The following TBC1D19 variants were observed in gnomAD, a reference collection of about 807,000 sequenced individuals.
TBC1D19 encodes the protein TBC1 domain family, member 19.
TBC1D19 carries 60 observed loss-of-function variants against 89.0 expected under a neutral mutation model. The ratio of observed to expected loss-of-function variants is 0.67; its 90% CI spans 0.55 to 0.84. The LOEUF is 0.84. Among genes scored for constraint, TBC1D19 ranks in the 40% least tolerant of loss-of-function variants. The pLI is 0.00. For missense variants in TBC1D19, 500 were observed against 610.8 expected, an observed-to-expected ratio of 0.82 and a Z score of 1.91; for synonymous variants, 189 against 199.7, an observed-to-expected ratio of 0.95 and a Z score of 0.45.
At chr4:26,750,150 A>G (rs535741253) in intron 19 of TBC1D19, among the ~76,000 whole-genome samples, 146 of 152,306 alleles carry the variant, frequency 9.6e-4, no homozygotes, top group Non-Finnish European at 1.6e-3. Flanking sequence ...CAAAGTAATT[A>G]TCATGTTTTC....
intron 13 of TBC1D19, among the ~76,000 whole-genome samples, chr4:26,693,277 A>G (rs1714460665): frequency 6.6e-6 from 1 of 152,240 alleles, no homozygotes; most frequent in African/African-American, 2.4e-5. Flanking sequence ...TAAACAAATA[A>G]GCAAATAACA....
the TBC1D19 span, among the ~76,000 whole-genome samples, chr4:26,767,187 A>C: frequency 6.6e-6 from 1 of 152,304 alleles, no homozygotes; most frequent in Non-Finnish European, 1.5e-5. Context: ...TGATTAATAA[A>C]AAATAAATAA....
downstream of TBC1D19, among the ~76,000 whole-genome samples, chr4:26,758,735 ATT>A (rs536414490): frequency 6.6e-6 from 1 of 151,892 alleles, no homozygotes; most frequent in African/African-American, 2.4e-5. Context: ...CCTCTGGACT[ATT>A]TTTTTTACAA....
chr4:26,824,025 T>C, the TBC1D19 span, among the ~76,000 whole-genome samples: 2 of 152,200 alleles, frequency 1.3e-5, no homozygotes, highest in African/African-American at 2.4e-5. Flanking sequence ...GGCTATTTGA[T>C]TGGATCAGGG....
chr4:26,582,367 T>A (rs1426893195), upstream of TBC1D19, among the ~76,000 whole-genome samples: 2 of 152,064 alleles, frequency 1.3e-5, no homozygotes, highest in Non-Finnish European at 2.9e-5. Context: ...GAAGCCAGAA[T>A]GTTTTCTGAC....
At chr4:26,842,343 T>TTC in the TBC1D19 span, among the ~76,000 whole-genome samples, 4 of 79,470 alleles carry the variant, frequency 5.0e-5, no homozygotes, top group South Asian at 3.9e-4. Flanking sequence ...TTCTTTTCTT[T>TTC]TTTTTTTTTT....
intron 7 of TBC1D19, among the ~76,000 whole-genome samples, chr4:26,652,634 A>AT (rs1460388939): frequency 6.6e-6 from 1 of 151,728 alleles, no homozygotes; most frequent in Non-Finnish European, 1.5e-5. Flanking sequence ...TTTCTTCTAG[A>AT]TTTTTCTAGT....
chr4:26,758,149 T>C (rs186080414), downstream of TBC1D19, among the ~76,000 whole-genome samples: 1 of 152,320 alleles, frequency 6.6e-6, no homozygotes, highest in East Asian at 1.9e-4. Flanking sequence ...CCCTTCTCCT[T>C]GTTCTTATAA....
chr4:26,848,616 A>C, the TBC1D19 span, among the ~76,000 whole-genome samples: 1 of 152,222 alleles, frequency 6.6e-6, no homozygotes, highest in African/African-American at 2.4e-5. Flanking sequence ...ATTTTACAGC[A>C]AAGTTAGCTT....
chr4:26,840,720 G>C, the TBC1D19 span, among the ~76,000 whole-genome samples: 4 of 152,164 alleles, frequency 2.6e-5, no homozygotes, highest in African/African-American at 9.7e-5. Flanking sequence ...AGGGCTCCAT[G>C]CTCATGGGTT....
At chr4:26,642,766 G>A (rs11946515) in intron 7 of TBC1D19, among the ~76,000 whole-genome samples, 55,314 of 151,936 alleles carry the variant, frequency 0.36, 11,380 homozygotes, top group Non-Finnish European at 0.47. Flanking sequence ...CACAAAAAGA[G>A]CAGGAGTTAC....
rs1719238578 is a variant in TBC1D19 at position 26,755,855 on chromosome 4, T to A, written c.*908T>A. Reference sequence around the variant, plus strand: ...CATTCATTCTAAACTGCAGACATTATGCAAGGCATCAGCCTTATTTTGGGC... The same window carrying A: ...CATTCATTCTAAACTGCAGACATTAAGCAAGGCATCAGCCTTATTTTGGGC... On this transcript the variant is annotated 3_prime_UTR_variant, in exon 21 of 21. Transcript: ENST00000264866. 6.6e-6 allele frequency among the ~76,000 whole-genome samples: 1 copy of A among 152,204 alleles called. No homozygotes were observed. Among genetic ancestry groups the A allele is most frequent in the African/African-American group, 2.4e-5 (1 of 41,466 alleles).
the TBC1D19 span, among the ~76,000 whole-genome samples, chr4:26,807,381 T>A: frequency 6.7e-3 from 1,025 of 152,338 alleles, 6 homozygotes; most frequent in African/African-American, 0.023. Flanking sequence ...GGTTGGATAG[T>A]TCTGAGTGTC....
At chr4:26,718,342 C>CTT (rs56881657) in intron 14 of TBC1D19, among the ~76,000 whole-genome samples, 16 of 151,718 alleles carry the variant, frequency 1.1e-4, no homozygotes, top group Middle Eastern at 3.4e-3. Flanking sequence ...GCTTTTTCTA[C>CTT]TTTTTTTAAC....
intron 13 of TBC1D19, among the ~76,000 whole-genome samples, chr4:26,701,578 G>A (rs180713869): frequency 1.7e-3 from 258 of 152,194 alleles, no homozygotes; most frequent in African/African-American, 6.0e-3. Flanking sequence ...TGAGAAGGAA[G>A]CTTTCTTCTT....
chr4:26,699,346 TAA>T (rs1285391865), intron 13 of TBC1D19, among the ~76,000 whole-genome samples: 1 of 152,138 alleles, frequency 6.6e-6, no homozygotes, highest in Non-Finnish European at 1.5e-5. Flanking sequence ...TGATGATCAT[TAA>T]AAAGTCAGGA....
the TBC1D19 span, among the ~76,000 whole-genome samples, chr4:26,799,201 T>A: frequency 8.6e-3 from 1,300 of 152,004 alleles, 21 homozygotes; most frequent in African/African-American, 0.03. Context: ...TAAAATTAAC[T>A]GGGTGTGGTA....
the TBC1D19 span, among the ~76,000 whole-genome samples, chr4:26,776,374 C>A: frequency 6.6e-6 from 1 of 152,094 alleles, no homozygotes; most frequent in South Asian, 2.1e-4. Context: ...CTTTATCCAA[C>A]AATTCACATA....
chr4:26,637,448 C>T lies in TBC1D19; in HGVS notation c.369+163C>T, dbSNP rs571825522. Among the ~76,000 whole-genome samples the T allele has an allele frequency of 1.5e-3, 236 of 152,260 alleles. 1 individual carries two copies. Among genetic ancestry groups the T allele is most frequent in the South Asian group, 7.1e-3 (34 of 4,822 alleles). ...AGTGCAGTGGCGCGATCTTGGCTCA[C>T]TGCAACCTCCGCCTCCTGGGTTCAA... is the stretch of plus-strand genomic sequence containing the variant. On this transcript the variant is annotated intron_variant, in intron 5 of 20. Transcript: ENST00000264866.
Sources: gnomAD v4.1 joint callset for allele counts (sites outside exome capture counted in the v4.1 genomes callset) on GRCh38, gnomAD v4.1.1 for gene constraint, MANE v1.5 for transcripts, NCBI Gene and HGNC (gene_info 2026-07-23, HGNC 2026-07-21) for gene names.